WDR49: variants seen among roughly 807,000 people sequenced by gnomAD.
The protein encoded by WDR49 is cilia- and flagella-associated protein 337.
A neutral mutation model predicts 119.5 loss-of-function variants in WDR49; 107 were observed. The observed-to-expected ratio is 0.90, with a 90% CI of 0.77 to 1.05. The LOEUF (loss-of-function observed/expected upper bound fraction) is 1.05. Among genes scored for constraint, WDR49 ranks in the 50% least tolerant of loss-of-function variants. The pLI is 0.00. For synonymous variants in WDR49, 425 were observed against 418.8 expected (o/e 1.01, Z -0.18); for missense variants, 1,240 against 1,220.5 (o/e 1.02, Z -0.24).
intron 2 of WDR49, among the ~76,000 whole-genome samples, chr3:167,644,121 T>C (rs1216982188): frequency 2.0e-5 from 3 of 151,288 alleles, no homozygotes; most frequent in Admixed American, 6.6e-5. Context: ...AGTGGTTCTC[T>C]ATGTTCTCTC....
intron 8 of WDR49, chr3:167,566,862 G>A (rs1481479650): frequency 2.9e-6 from 2 of 686,980 alleles, no homozygotes; most frequent in Admixed American, 4.1e-5. Context: ...TATCATAAGG[G>A]TCTTCATTCG....
rs765304604 is a variant in WDR49, at chr3:167,602,287, T to A, written c.1127-12A>T. The stretch of plus-strand genomic sequence containing the variant: ...AATGCCAGCAGTTGCTAATCAGAAT[T>A]AGAAAGAAAAAAAATGTTTTTAATA... On this transcript the variant is annotated splice_polypyrimidine_tract_variant and intron_variant, in intron 6 of 18. Coordinates refer to ENST00000682715, the MANE Select transcript of WDR49 (RefSeq NM_001366157.1). The A allele has an allele frequency of 3.9e-6, 6 of 1,545,840 alleles. No individual in the cohort carries two copies. The Admixed American group carries it at 5.6e-5, about 14-fold the overall frequency.
intron 11 of WDR49, among the ~76,000 whole-genome samples, chr3:167,535,267 C>A (rs929381226): frequency 6.6e-6 from 1 of 152,152 alleles, no homozygotes; most frequent in Middle Eastern, 3.4e-3. Flanking sequence ...AAAATCTATT[C>A]ATGCTCAAAG....
intron 2 of WDR49, among the ~76,000 whole-genome samples, chr3:167,642,260 A>T (rs1717914783): frequency 6.6e-6 from 1 of 152,102 alleles, no homozygotes; most frequent in East Asian, 1.9e-4. Context: ...CTATAAGCCC[A>T]GTTCTCTAAC....
chr3:167,641,648 C>T (rs1475666572), intron 2 of WDR49, among the ~76,000 whole-genome samples: 2 of 152,016 alleles, frequency 1.3e-5, no homozygotes, highest in East Asian at 1.9e-4. Flanking sequence ...TTCAAATCAA[C>T]ATGTTAAATA....
At position 167,522,334 on chromosome 3, in the gene WDR49, TG is replaced by T; in HGVS notation, c.2754del (p.Asn918LysfsTer15). ...ACTTACTTGTATGTTGAGTCATCTTTGTTTTTCTTATTAAGTAGAGAATGTT... is the reference window on the plus strand; with the variant it reads ...ACTTACTTGTATGTTGAGTCATCTTTTTTTTCTTATTAAGTAGAGAATGTT... ...PTEHSLLNKK[N>X]KDDSTYNVRP... On this transcript the variant is annotated frameshift_variant, in exon 16 of 19. Coordinates refer to ENST00000682715, the MANE Select transcript of WDR49 (RefSeq NM_001366157.1). LOFTEE classifies it high-confidence loss of function. 1 of 1,587,396 alleles carries T rather than the reference TG, an allele frequency of 6.3e-7. No individual in the cohort carries two copies. The highest frequency in any genetic ancestry group is 8.5e-7 in the Non-Finnish European group (1 of 1,173,876).
At position 167,519,131 on chromosome 3, in the gene WDR49, G is replaced by C. The variant is rs111663208; in HGVS notation, c.2774+3184C>G. Among the ~76,000 whole-genome samples, 635 of 152,270 alleles carry C rather than the reference G, an allele frequency of 4.2e-3. 2 individuals are homozygous for C. Among genetic ancestry groups the C allele is most frequent in the African/African-American group, 0.014 (597 of 41,562 alleles). ...ATTAAAAAGTCAAGAAACAACAGAT[G>C]CTGGTGAGGCTGCAGAGAGATACGA... On this transcript the variant is annotated intron_variant, in intron 16 of 18. Transcript: ENST00000682715.
intron 2 of WDR49, among the ~76,000 whole-genome samples, chr3:167,637,380 G>C (rs1438275153): frequency 6.6e-6 from 1 of 151,960 alleles, no homozygotes; most frequent in Non-Finnish European, 1.5e-5. Flanking sequence ...GTACCATGCT[G>C]TTTTGGTGAC....
Position 167,527,887 on chromosome 3 carries a change from G to A in WDR49, c.2537C>T (p.Ser846Phe). 1 of 1,613,222 alleles carries A rather than the reference G, an allele frequency of 6.2e-7. No homozygotes were observed. Among genetic ancestry groups the A allele is most frequent in the Non-Finnish European group, 8.5e-7 (1 of 1,179,520 alleles). The change falls in exon 15 of 19, where the codon TCC becomes TTC. Residue 846 changes from serine to phenylalanine, a missense_variant. Coordinates refer to ENST00000682715, the MANE Select transcript of WDR49 (RefSeq NM_001366157.1). ...ACAAATACTGCAGTCTGCAGAGGAG[G>A]AGATAATCAGTAACTGACCACCTGG... ...CEPGGQLLII[S>F]SSADCSICVT...
chr3:167,529,448 T>C (rs929223080), intron 13 of WDR49, among the ~76,000 whole-genome samples: 1 of 152,128 alleles, frequency 6.6e-6, no homozygotes, highest in African/African-American at 2.4e-5. Context: ...TTAAATGAGA[T>C]AGGATATTGA....
chr3:167,580,307 G>C (rs1372830352), intron 7 of WDR49, among the ~76,000 whole-genome samples: 1 of 151,956 alleles, frequency 6.6e-6, no homozygotes, highest in East Asian at 1.9e-4. Context: ...CAACAGCATT[G>C]AAGTACAGCC....
rs1230728604 is a variant in WDR49 at position 167,604,421 on chromosome 3, T to G, written c.1006A>C (p.Asn336His). The change falls in exon 6 of 19, where the codon AAT (asparagine) becomes CAT (histidine). Residue 336 changes from asparagine (N) to histidine (H), a missense_variant. By Grantham distance (68) the Asn-to-His change is moderately conservative. Coordinates refer to ENST00000682715, the MANE Select transcript of WDR49 (RefSeq NM_001366157.1). Reference protein sequence around the residue: ...LDAIISSTTSNTNSVVMAWRE... With the variant: ...LDAIISSTTSHTNSVVMAWRE... ...CAAGCCATCACCACACTATTTGTAT[T>G]GCTGGTTGTACTGGAAATGATAGCG... The G allele has an allele frequency of 3.7e-6, 6 of 1,613,476 alleles. No homozygotes were observed. Among genetic ancestry groups the G allele is most frequent in the Non-Finnish European group, 5.1e-6 (6 of 1,179,784 alleles).
intron 8 of WDR49, among the ~76,000 whole-genome samples, chr3:167,562,279 C>G (rs539295276): frequency 6.6e-6 from 1 of 152,044 alleles, no homozygotes; most frequent in Non-Finnish European, 1.5e-5. Flanking sequence ...TTGGGAGGAC[C>G]ATTTGGAGGC....
In WDR49 at chr3:167,622,576, A is replaced by C. The variant is rs1282048624; in HGVS notation, c.607-933T>G. 5.9e-5 allele frequency among the ~76,000 whole-genome samples: 9 copies of C among 152,256 alleles called. No homozygotes were observed. The East Asian group carries it at 1.7e-3, about 29-fold the overall frequency. ...TACAGCCCCGTAATACAGAAGCAAA[A>C]ACTAAAATTATTGAAGACAGAGTAG... On this transcript the variant is annotated intron_variant, in intron 3 of 18. Coordinates refer to ENST00000682715, the MANE Select transcript of WDR49 (RefSeq NM_001366157.1).
intron 3 of WDR49, among the ~76,000 whole-genome samples, chr3:167,624,275 T>G (rs2108324793): frequency 6.6e-6 from 1 of 151,220 alleles, no homozygotes; most frequent in Non-Finnish European, 1.5e-5. Context: ...AATGGAAGGC[T>G]GCAGAGCAAT....
intron 16 of WDR49, among the ~76,000 whole-genome samples, chr3:167,520,186 G>A (rs557494304): frequency 4.2e-4 from 63 of 151,780 alleles, no homozygotes; most frequent in African/African-American, 1.3e-3. Context: ...AGTTGATGCT[G>A]CAGTGAGCTG....
chr3:167,620,596 G>A lies in WDR49; in HGVS notation c.791C>T (p.Ala264Val), dbSNP rs769868563. 7 of 1,533,334 alleles carry A rather than the reference G, an allele frequency of 4.6e-6. No individual in the cohort carries two copies. The South Asian group carries it at 8.4e-5, about 18-fold the overall frequency. 95.0% of individuals were successfully genotyped at this position (1,533,334 alleles called of 1,614,324 possible). Residue 264 changes from alanine (A) to valine (V), a missense_variant, in exon 5 of 19, where the codon GCA becomes GTA. Physicochemically the swap from Ala to Val is moderately conservative, Grantham distance 64. Transcript: ENST00000682715. The stretch of plus-strand genomic sequence containing the variant: ...AATCAAGGCTGCGGTGAAAGCAATT[G>A]CTTGAACCTTGACAGAGACATTGAA... Reference protein sequence around the residue: ...SFGDITGKVQAIAFTAALISL... With the variant: ...SFGDITGKVQVIAFTAALISL...
chr3:167,633,697 A>G (rs561008733), intron 2 of WDR49, among the ~76,000 whole-genome samples: 10 of 152,114 alleles, frequency 6.6e-5, no homozygotes, highest in African/African-American at 1.9e-4. Flanking sequence ...CTTTAGGGAT[A>G]TACATACATA....
Position 167,536,957 on chromosome 3 carries a change from T to G in WDR49, c.1867A>C (p.Ile623Leu). ...FRPQNFNQFFIQPEEWKGGIQ... is the reference protein window; with the variant it reads ...FRPQNFNQFFLQPEEWKGGIQ... The stretch of plus-strand genomic sequence containing the variant: ...CCTCCTTTCCATTCTTCAGGCTGGA[T>G]GAAAAATTGATTGAAGTTTTGGGGT... The change falls in exon 11 of 19, where the codon ATC becomes CTC. Residue 623 changes from isoleucine to leucine, a missense_variant. Coordinates refer to ENST00000682715, the MANE Select transcript of WDR49 (RefSeq NM_001366157.1). 6.3e-7 allele frequency: 1 copy of G among 1,591,188 alleles called. No individual in the cohort carries two copies. Among genetic ancestry groups the G allele is most frequent in the Non-Finnish European group, 8.6e-7 (1 of 1,169,248 alleles).
Sources: gnomAD v4.1 joint callset for allele counts (sites outside exome capture counted in the v4.1 genomes callset) on GRCh38, gnomAD v4.1.1 for gene constraint, MANE v1.5 for transcripts, NCBI Gene and HGNC (gene_info 2026-07-23, HGNC 2026-07-21) for gene names.